Variants in MACROD2 observed in about 807,000 individuals in gnomAD.
The protein encoded by MACROD2 is ADP-ribose glycohydrolase MACROD2.
In MACROD2, 36 loss-of-function variants were observed where a neutral mutation model predicts 70.4. That is an observed-to-expected ratio of 0.51 (90% CI 0.39 to 0.68). The LOEUF (loss-of-function observed/expected upper bound fraction) is 0.68. Among genes scored for constraint, MACROD2 ranks in the 30% least tolerant of loss-of-function variants. MACROD2 has a pLI of 0.00. For synonymous variants in MACROD2, 172 were observed against 178.8 expected (o/e 0.96, Z 0.30); for missense variants, 496 against 538.4 (o/e 0.92, Z 0.78).
Position 14,119,277 on chromosome 20 carries a change from C to G in MACROD2, c.271+33549C>G, listed in dbSNP as rs186591053. Among the ~76,000 whole-genome samples, 700 of 144,010 alleles carry G rather than the reference C, an allele frequency of 4.9e-3. 9 individuals are homozygous for G. The highest frequency in any genetic ancestry group is 0.016 in the African/African-American group (638 of 39,026). 94.5% of individuals were successfully genotyped at this position (144,010 alleles called of 152,430 possible). A position where few individuals can be genotyped will look rare whatever the true frequency, so the allele number is the denominator to read the frequency against. Reference sequence around the variant, plus strand: ...CCGCCTCCTGGGTTCAAGTGATTCTCTTGCCTCAGCCTCCCAAGTAGCTGG... The same window carrying G: ...CCGCCTCCTGGGTTCAAGTGATTCTGTTGCCTCAGCCTCCCAAGTAGCTGG... On this transcript the variant is annotated intron_variant, in intron 3 of 17. Coordinates refer to ENST00000684519, the MANE Select transcript of MACROD2 (RefSeq NM_001351661.2).
intron 3 of MACROD2, among the ~76,000 whole-genome samples, chr20:14,395,989 A>G (rs2083576113): frequency 1.3e-5 from 2 of 152,246 alleles, no homozygotes; most frequent in Non-Finnish European, 2.9e-5. Flanking sequence ...TCCTGGACTC[A>G]AGTGACTGTT....
chr20:15,132,575 C>T (rs1304798981), intron 5 of MACROD2, among the ~76,000 whole-genome samples: 5 of 151,402 alleles, frequency 3.3e-5, no homozygotes. Flanking sequence ...CCTCACTGGC[C>T]AATATATAAT....
rs1483431577 is a variant in MACROD2, at chr20:14,988,558, A to G, written c.419-241382A>G. On this transcript the variant is annotated intron_variant, in intron 5 of 17. Coordinates refer to ENST00000684519, the MANE Select transcript of MACROD2 (RefSeq NM_001351661.2). ...TCTTCAGAAACTCCTGGAGGAATCT[A>G]TGTTTTTAAGTGACATTGATGCTTC... Among the ~76,000 whole-genome samples the G allele has an allele frequency of 2.0e-5, 3 of 152,146 alleles. No individual in the cohort carries two copies. In the South Asian group the frequency reaches 6.2e-4, roughly 32 times the overall value.
intron 3 of MACROD2, among the ~76,000 whole-genome samples, chr20:14,270,522 C>T (rs1352564795): frequency 2.7e-5 from 4 of 146,778 alleles, no homozygotes; most frequent in Non-Finnish European, 4.4e-5. Context: ...CCGGGAGGCT[C>T]AGGTTGCAGT....
intron 8 of MACROD2, among the ~76,000 whole-genome samples, chr20:15,816,046 G>A (rs1482967610): frequency 1.3e-5 from 2 of 151,882 alleles, no homozygotes; most frequent in Non-Finnish European, 2.9e-5. Context: ...TTGTGTGTGT[G>A]TATCTCTTTC....
At chr20:14,392,567 A>G (rs6042708) in intron 3 of MACROD2, among the ~76,000 whole-genome samples, 149,127 of 152,284 alleles carry the variant, frequency 0.98, 73,098 homozygotes, top group Middle Eastern at 1. Context: ...AATTATTTAA[A>G]GATTGTGTGA....
At chr20:14,252,998 G>C (rs1001086361) in intron 3 of MACROD2, among the ~76,000 whole-genome samples, 8 of 151,824 alleles carry the variant, frequency 5.3e-5, no homozygotes, top group Non-Finnish European at 1.0e-4. Flanking sequence ...GCAAAATTTA[G>C]TTTTACAGTA....
chr20:14,362,656 C>T (rs950323220), intron 3 of MACROD2, among the ~76,000 whole-genome samples: 22 of 152,046 alleles, frequency 1.4e-4, no homozygotes, highest in Admixed American at 1.4e-3. Flanking sequence ...AATCTTTGAT[C>T]TCTTGGGCTA....
chr20:14,222,576 C>T (rs2081685890), intron 3 of MACROD2, among the ~76,000 whole-genome samples: 1 of 152,112 alleles, frequency 6.6e-6, no homozygotes, highest in East Asian at 1.9e-4. Flanking sequence ...CCTGATTTCA[C>T]CACTATGCAT....
intron 8 of MACROD2, among the ~76,000 whole-genome samples, chr20:15,528,386 G>T (rs2047750173): frequency 6.6e-6 from 1 of 152,234 alleles, no homozygotes; most frequent in Non-Finnish European, 1.5e-5. Flanking sequence ...CTCCCAAAGT[G>T]CTGGGGTTAC....
chr20:14,905,959 G>C lies in MACROD2; in HGVS notation c.418+221000G>C, dbSNP rs571413998. ...ATTCTTGCACTTTCTCCATATTATTGCTTCTCTCCTAGGTTTTTTATTGTG... is the reference window on the plus strand; with the variant it reads ...ATTCTTGCACTTTCTCCATATTATTCCTTCTCTCCTAGGTTTTTTATTGTG... On this transcript the variant is annotated intron_variant, in intron 5 of 17. Coordinates refer to ENST00000684519, the MANE Select transcript of MACROD2 (RefSeq NM_001351661.2). The C allele has an allele frequency of 9.9e-5, 15 of 151,988 alleles. 1 individual carries two copies. Among genetic ancestry groups the C allele is most frequent in the Admixed American group, 8.5e-4 (13 of 15,264 alleles). 9.4% of individuals were successfully genotyped at this position (151,988 alleles called of 1,614,324 possible). A position where few individuals can be genotyped will look rare whatever the true frequency, so the allele number is the denominator to read the frequency against.
chr20:15,066,435 A>G (rs1325263428), intron 5 of MACROD2, among the ~76,000 whole-genome samples: 1 of 152,046 alleles, frequency 6.6e-6, no homozygotes, highest in African/African-American at 2.4e-5. Flanking sequence ...CGCCCAGCCA[A>G]CAAGAGCTGC....
At chr20:14,100,793 AT>A (rs1439425581) in intron 3 of MACROD2, among the ~76,000 whole-genome samples, 2 of 138,840 alleles carry the variant, frequency 1.4e-5, no homozygotes, top group East Asian at 4.0e-4. Flanking sequence ...CATATTATAT[AT>A]TATATATGAT....
intron 6 of MACROD2, among the ~76,000 whole-genome samples, chr20:15,379,256 G>A (rs147855302): frequency 4.3e-4 from 66 of 152,220 alleles, no homozygotes; most frequent in African/African-American, 1.5e-3. Flanking sequence ...TCATGAGATG[G>A]ATAGCATCTT....
rs569278994 is a variant in MACROD2 at position 14,201,795 on chromosome 20, C to T, written c.271+116067C>T. Reference sequence around the variant, plus strand: ...TGGAGGTTGCAATGAGCTGAGACTGCGCCACTGCACTCCAGCCTGGTGACA... The same window carrying T: ...TGGAGGTTGCAATGAGCTGAGACTGTGCCACTGCACTCCAGCCTGGTGACA... On this transcript the variant is annotated intron_variant, in intron 3 of 17. Transcript: ENST00000684519. Among the ~76,000 whole-genome samples, 28 of 150,348 alleles carry T rather than the reference C, an allele frequency of 1.9e-4. 1 individual carries two copies. Among genetic ancestry groups the T allele is most frequent in the Admixed American group, 1.1e-3 (16 of 15,072 alleles).
intron 4 of MACROD2, among the ~76,000 whole-genome samples, chr20:14,540,503 A>G (rs2123231318): frequency 6.6e-6 from 1 of 152,296 alleles, no homozygotes; most frequent in African/African-American, 2.4e-5. Flanking sequence ...AGAATGTGGT[A>G]TATTTCTAAT....
intron 8 of MACROD2, among the ~76,000 whole-genome samples, chr20:15,609,300 T>G (rs938224428): frequency 4.6e-5 from 7 of 152,172 alleles, no homozygotes; most frequent in East Asian, 3.9e-4. Context: ...TATCTTTGTT[T>G]TCTGAAATGA....
chr20:15,134,177 T>A (rs1416947240), intron 5 of MACROD2, among the ~76,000 whole-genome samples: 2 of 143,072 alleles, frequency 1.4e-5, no homozygotes, highest in Non-Finnish European at 3.0e-5. Context: ...AGTGCTGAGA[T>A]TACAGGCGTG....
chr20:15,916,882 C>T (rs181937246), intron 10 of MACROD2, among the ~76,000 whole-genome samples: 4 of 152,320 alleles, frequency 2.6e-5, no homozygotes, highest in South Asian at 2.1e-4. Context: ...CCTGCTATTT[C>T]GTCAGGTCTC....
Sources: gnomAD v4.1 joint callset for allele counts (sites outside exome capture counted in the v4.1 genomes callset) on GRCh38, gnomAD v4.1.1 for gene constraint, MANE v1.5 for transcripts, NCBI Gene and HGNC (gene_info 2026-07-23, HGNC 2026-07-21) for gene names.